CACNA1I: variants seen among roughly 807,000 people sequenced by gnomAD.
CACNA1I encodes the protein voltage-dependent T-type calcium channel subunit alpha-1I.
Under a neutral mutation model 201.6 loss-of-function variants are expected in CACNA1I, and 74 were observed. The ratio of observed to expected loss-of-function variants is 0.37; its 90% CI spans 0.30 to 0.45. CACNA1I has a LOEUF of 0.45. CACNA1I is among the 20% of genes least tolerant of loss of function. The pLI is 1.00. For synonymous variants in CACNA1I, 1,431 were observed against 1,345.2 expected, an observed-to-expected ratio of 1.06 and a Z score of -1.40; for missense variants, 2,346 against 3,138.1, an observed-to-expected ratio of 0.75 and a Z score of 6.03.
intron 23 of CACNA1I, among the ~76,000 whole-genome samples, chr22:39,667,195 T>C (rs917105494): frequency 2.6e-5 from 4 of 152,202 alleles, no homozygotes; most frequent in African/African-American, 9.6e-5. Context: ...GTCCTTGGAA[T>C]GTAGGAGCCT....
intron 1 of CACNA1I, among the ~76,000 whole-genome samples, chr22:39,588,385 C>CTTTTTT (rs3044379): frequency 1.2e-5 from 1 of 80,736 alleles, no homozygotes; most frequent in African/African-American, 4.3e-5. Flanking sequence ...TTCTTTCTTT[C>CTTTTTT]TTTTTTTTTT....
intron 8 of CACNA1I, 109 bp from the exon 9 acceptor site, chr22:39,647,713 C>G: frequency 1.3e-6 from 1 of 787,782 alleles, no homozygotes; most frequent in Non-Finnish European, 2.2e-6. Flanking sequence ...CGCCCCTGGC[C>G]AAGTTTATGC....
At chr22:39,663,344 A>G (rs529730323) in intron 18 of CACNA1I, among the ~76,000 whole-genome samples, 1 of 152,166 alleles carries the variant, frequency 6.6e-6, no homozygotes, top group African/African-American at 2.4e-5. Context: ...GTGGCATTCC[A>G]GTAGGCACAT....
At chr22:39,610,459 G>A (rs1933354835) in intron 3 of CACNA1I, among the ~76,000 whole-genome samples, 2 of 152,144 alleles carry the variant, frequency 1.3e-5, no homozygotes, top group South Asian at 4.1e-4. Flanking sequence ...GAGAGAGGGT[G>A]ATGGTCACTG....
chr22:39,572,454 G>A (rs921894059), intron 1 of CACNA1I, among the ~76,000 whole-genome samples: 3 of 152,114 alleles, frequency 2.0e-5, no homozygotes, highest in African/African-American at 7.2e-5. Context: ...GGACTGCCAG[G>A]CTTCCCTTCT....
chr22:39,669,948 C>G (rs1163459688), intron 24 of CACNA1I, 90 bp from the exon 25 acceptor site: 1 of 1,451,876 alleles, frequency 6.9e-7, no homozygotes, highest in Non-Finnish European at 9.6e-7. Context: ...AACACATGCC[C>G]ACTCCATGGA....
At chr22:39,579,722 C>G (rs1932488602) in intron 1 of CACNA1I, among the ~76,000 whole-genome samples, 1 of 151,916 alleles carries the variant, frequency 6.6e-6, no homozygotes, top group East Asian at 1.9e-4. Context: ...TCTCTGCTCA[C>G]TGCAACCTCT....
In CACNA1I at chr22:39,680,904, C is replaced by A. The variant is rs1935683069; in HGVS notation, c.5542-26C>A. ...GTCTGCCCATCCCAAACCTGGGTGACCCGAGGCCACCCCCTCTTCCTGCAG... is the reference window on the plus strand; with the variant it reads ...GTCTGCCCATCCCAAACCTGGGTGAACCGAGGCCACCCCCTCTTCCTGCAG... On this transcript the variant is annotated intron_variant, in intron 33 of 36. Coordinates refer to ENST00000402142, the MANE Select transcript of CACNA1I (RefSeq NM_021096.4). 1.9e-6 allele frequency: 3 copies of A among 1,598,496 alleles called. No individual in the cohort carries two copies. The Admixed American group carries it at 5.0e-5, about 27-fold the overall frequency.
intron 3 of CACNA1I, among the ~76,000 whole-genome samples, chr22:39,607,511 C>T (rs1302906815): frequency 6.6e-6 from 1 of 152,240 alleles, no homozygotes; most frequent in East Asian, 1.9e-4. Context: ...GCTCATTCGA[C>T]TGTCACAGCA....
intron 3 of CACNA1I, among the ~76,000 whole-genome samples, chr22:39,601,693 A>G (rs1034682662): frequency 1.3e-5 from 2 of 151,964 alleles, no homozygotes; most frequent in African/African-American, 4.8e-5. Context: ...TGAGACGGAC[A>G]GTCAGGGTGT....
At chr22:39,586,594 T>TCATGC (rs1309557114) in intron 1 of CACNA1I, among the ~76,000 whole-genome samples, 13 of 152,214 alleles carry the variant, frequency 8.5e-5, no homozygotes, top group African/African-American at 3.1e-4. Flanking sequence ...GAGGAGTCAG[T>TCATGC]CATGCCCAGT....
chr22:39,585,208 T>C (rs938853570), intron 1 of CACNA1I, among the ~76,000 whole-genome samples: 1 of 149,860 alleles, frequency 6.7e-6, no homozygotes, highest in Non-Finnish European at 1.5e-5. Flanking sequence ...TACAGGCATG[T>C]GCCACTGTGC....
At chr22:39,679,543 G>A (rs1161240553) in intron 32 of CACNA1I, 98 bp downstream of exon 32, 3 of 1,075,094 alleles carry the variant, frequency 2.8e-6, no homozygotes, top group Non-Finnish European at 3.9e-6. Flanking sequence ...AGAGACCTCT[G>A]TCTTTCTGGG....
chr22:39,620,739 GTTGTTTGTTTGT>G (rs565416020), intron 4 of CACNA1I, among the ~76,000 whole-genome samples: 2 of 137,868 alleles, frequency 1.5e-5, no homozygotes, highest in Non-Finnish European at 3.2e-5. Context: ...TTTTGTTGTT[GTTGTTTGTTTGT>G]TTGTTTGTTT....
intron 1 of CACNA1I, among the ~76,000 whole-genome samples, chr22:39,580,023 C>A (rs1017057031): frequency 1.3e-5 from 2 of 152,210 alleles, no homozygotes; most frequent in Non-Finnish European, 2.9e-5. Context: ...GGGGAGGACA[C>A]TGAGCCCCTC....
intron 4 of CACNA1I, among the ~76,000 whole-genome samples, chr22:39,622,599 G>A (rs182508794): frequency 4.0e-5 from 6 of 149,460 alleles, no homozygotes; most frequent in Non-Finnish European, 7.4e-5. Flanking sequence ...AGTGCGGTGT[G>A]GGGGGGGCGG....
intron 5 of CACNA1I, among the ~76,000 whole-genome samples, chr22:39,635,609 C>G (rs767657473): frequency 5.3e-5 from 8 of 152,162 alleles, no homozygotes; most frequent in Non-Finnish European, 1.0e-4. Context: ...GGGTAGACCA[C>G]AGCAGGGGCA....
Position 39,659,986 on chromosome 22 carries a change from C to CT in CACNA1I, c.2604+135dup. 1 of 960,490 alleles carries CT rather than the reference C, an allele frequency of 1.0e-6. No homozygotes were observed. The highest frequency in any genetic ancestry group is 1.6e-6 in the Non-Finnish European group (1 of 634,294). The allele number at this position is 960,490 out of a possible 1,614,324, so 59.5% of individuals were successfully genotyped here. A position where few individuals can be genotyped will look rare whatever the true frequency, so the allele number is the denominator to read the frequency against. On this transcript the variant is annotated intron_variant, in intron 14 of 36. Coordinates refer to ENST00000402142, the MANE Select transcript of CACNA1I (RefSeq NM_021096.4). This position sits in a 1 kb window ranked among gnomAD's most constrained non-coding sequence, Gnocchi z 4.3. ...AACCTATCCCTAAAGGAGGGGGTTGCTGATGAGGTGGTGAGCTCTTCATCA... is the reference window on the plus strand; with the variant it reads ...AACCTATCCCTAAAGGAGGGGGTTGCTTGATGAGGTGGTGAGCTCTTCATCA...
In CACNA1I at chr22:39,663,770, G is replaced by T. The variant is rs746193320; in HGVS notation, c.3526G>T (p.Val1176Phe). Residue 1176 changes from valine to phenylalanine, a missense_variant, in exon 19 of 37, where the codon GTC (valine) becomes TTC (phenylalanine). Around this residue, in one of 13 missense-constraint regions of CACNA1I, gnomAD observed 158 missense variants for 231.6 expected, o/e 0.68. Coordinates refer to ENST00000402142, the MANE Select transcript of CACNA1I (RefSeq NM_021096.4). ...TGCCCACAAACTCTTCGACTACGTC[G>T]TCCTGGCCTTCATCTTTCTCAACTG... ...IIAHKLFDYV[V>F]LAFIFLNCIT... The T allele has an allele frequency of 5.6e-6, 9 of 1,612,952 alleles. No homozygotes were observed. The highest frequency in any genetic ancestry group is 7.6e-6 in the Non-Finnish European group (9 of 1,179,378).
Sources: allele counts gnomAD v4.1 joint callset (sites outside exome capture counted in the v4.1 genomes callset), GRCh38; gene constraint gnomAD v4.1.1; regional missense constraint gnomAD v4.1.1; non-coding constraint Gnocchi (gnomAD v3.1); transcripts MANE v1.5; gene names NCBI Gene and HGNC (gene_info 2026-07-23, HGNC 2026-07-21).